Variants in SEC22C observed in about 807,000 individuals in gnomAD.
SEC22C encodes the protein SEC22 homolog C, vesicle trafficking protein, also known as vesicle-trafficking protein SEC22c.
A neutral mutation model predicts 34.7 loss-of-function variants in SEC22C; 29 were observed. That is an observed-to-expected ratio of 0.84 (90% CI 0.62 to 1.14). The LOEUF is 1.14. Ranked by LOEUF, SEC22C falls within the 50% of genes most tolerant of loss-of-function variation. The pLI, the probability that SEC22C is intolerant of heterozygous loss-of-function variation, is 0.00. For missense variants in SEC22C, 337 were observed against 369.0 expected, an observed-to-expected ratio of 0.91 and a Z score of 0.71; for synonymous variants, 117 against 132.8, an observed-to-expected ratio of 0.88 and a Z score of 0.82.
At chr3:42,596,484 C>G (rs1020665355) in intron 1 of SEC22C, among the ~76,000 whole-genome samples, 4 of 152,160 alleles carry the variant, frequency 2.6e-5, no homozygotes, top group Non-Finnish European at 5.9e-5. Flanking sequence ...ACCAGTGGTT[C>G]TTCTTCATGA....
chr3:42,594,607 C>A, intron 1 of SEC22C: 1 of 1,034,860 alleles, frequency 9.7e-7, no homozygotes, highest in Non-Finnish European at 1.5e-6. Context: ...TCTTTACCAA[C>A]TCAACTGGTT....
intron 1 of SEC22C, among the ~76,000 whole-genome samples, chr3:42,578,981 T>C (rs1704139895): frequency 1.3e-5 from 2 of 152,140 alleles, no homozygotes; most frequent in African/African-American, 4.8e-5. Flanking sequence ...AGTATTCAAC[T>C]TAAAACAGGA....
At chr3:42,596,542 AACTTTCTACC>A (rs1295385928) in intron 1 of SEC22C, among the ~76,000 whole-genome samples, 1 of 152,198 alleles carries the variant, frequency 6.6e-6, no homozygotes, top group Non-Finnish European at 1.5e-5. Context: ...TTTGGATACC[AACTTTCTACC>A]ACTCTTGGAA....
chr3:42,553,031 C>T lies in SEC22C; in HGVS notation c.*217G>A. ...GTCCTAGGTAAACGTGCTGAACTGG[C>T]TGGAGATCCTGCAGTAATGCTTGGC... On this transcript the variant is annotated 3_prime_UTR_variant, in exon 7 of 7. Coordinates refer to ENST00000264454, the MANE Select transcript of SEC22C (RefSeq NM_032970.4). The T allele has an allele frequency of 1.4e-6, 2 of 1,397,412 alleles. No homozygotes were observed. Among genetic ancestry groups the T allele is most frequent in the Non-Finnish European group, 1.9e-6 (2 of 1,078,612 alleles). The allele number at this position is 1,397,412 out of a possible 1,614,324, so 86.6% of individuals were successfully genotyped here. A position where few individuals can be genotyped will look rare whatever the true frequency, so the allele number is the denominator to read the frequency against.
chr3:42,572,000 T>C (rs1209411633), intron 1 of SEC22C, among the ~76,000 whole-genome samples: 4 of 152,004 alleles, frequency 2.6e-5, no homozygotes, highest in Non-Finnish European at 5.9e-5. Flanking sequence ...GTCACTGCAC[T>C]CCAACCTAGG....
Position 42,550,710 on chromosome 3 carries a change from T to C in SEC22C, c.*2538A>G, listed in dbSNP as rs1702210790. On this transcript the variant is annotated 3_prime_UTR_variant, in exon 7 of 7. Transcript: ENST00000264454. ...GTAGTGCCTCGGTGGTCAGGAAGCA[T>C]TACCAGGAAGGACTCATCTTCAAGG... 1.0e-6 allele frequency: 1 copy of C among 984,880 alleles called. No individual in the cohort carries two copies. Among genetic ancestry groups the C allele is most frequent in the Non-Finnish European group, 1.2e-6 (1 of 829,832 alleles). 61.0% of individuals were successfully genotyped at this position (984,880 alleles called of 1,614,324 possible).
Position 42,561,099 on chromosome 3 carries a change from GAAC to G in SEC22C, c.526+15_526+17del, listed in dbSNP as rs1559515761. 2.5e-6 allele frequency: 4 copies of G among 1,605,020 alleles called. No homozygotes were observed. Among genetic ancestry groups the G allele is most frequent in the East Asian group, 2.2e-5 (1 of 44,646 alleles). The stretch of plus-strand genomic sequence containing the variant: ...ACAATATCACTTCATCAACATCAGG[GAAC>G]AACAAGCCACTTACCAGGCTCCAAG... On this transcript the variant is annotated intron_variant, in intron 4 of 6. Coordinates refer to ENST00000264454, the MANE Select transcript of SEC22C (RefSeq NM_032970.4).
Position 42,550,303 on chromosome 3 carries a change from A to C in SEC22C, c.*2945T>G. The stretch of plus-strand genomic sequence containing the variant: ...GATGTCAGCTGCACAGGTAGCATTT[A>C]ACTACTGGGAAAACAAAAGTGCTAC... On this transcript the variant is annotated 3_prime_UTR_variant, in exon 7 of 7. Transcript: ENST00000264454. The C allele has an allele frequency of 1.0e-6, 1 of 985,462 alleles. No homozygotes were observed. The highest frequency in any genetic ancestry group is 1.2e-6 in the Non-Finnish European group (1 of 829,942). The allele number at this position is 985,462 out of a possible 1,614,324, so 61.0% of individuals were successfully genotyped here. A position where few individuals can be genotyped will look rare whatever the true frequency, so the allele number is the denominator to read the frequency against.
chr3:42,571,936 G>C (rs986438319), intron 1 of SEC22C, among the ~76,000 whole-genome samples: 6 of 152,222 alleles, frequency 3.9e-5, no homozygotes, highest in Non-Finnish European at 8.8e-5. Context: ...AGGAGGCTGA[G>C]GCACGAGAAT....
intron 1 of SEC22C, among the ~76,000 whole-genome samples, chr3:42,590,282 T>C (rs1015672886): frequency 2.0e-5 from 3 of 152,252 alleles, no homozygotes; most frequent in Middle Eastern, 3.4e-3. Flanking sequence ...CAGAGTGATG[T>C]AGAGAGGACA....
At chr3:42,597,847 A>C (rs1705074543) in intron 1 of SEC22C, among the ~76,000 whole-genome samples, 2 of 152,228 alleles carry the variant, frequency 1.3e-5, no homozygotes, top group Non-Finnish European at 2.9e-5. Flanking sequence ...CAATTTCCAA[A>C]TTTACTATAA....
At chr3:42,556,125 A>G (rs995018170) in intron 5 of SEC22C, 130 bp from the exon 6 acceptor site, 1 of 677,422 alleles carries the variant, frequency 1.5e-6, no homozygotes, top group African/African-American at 1.8e-5. Context: ...GGTGAGACAC[A>G]AGTTCCTGTT....
intron 1 of SEC22C, among the ~76,000 whole-genome samples, chr3:42,573,072 G>C (rs375874911): frequency 6.6e-6 from 1 of 151,636 alleles, no homozygotes; most frequent in Non-Finnish European, 1.5e-5. Flanking sequence ...GGCTCATCTT[G>C]AACTCTCAGG....
intron 3 of SEC22C, among the ~76,000 whole-genome samples, chr3:42,562,358 G>C (rs1357900011): frequency 6.6e-6 from 1 of 152,198 alleles, no homozygotes; most frequent in Admixed American, 6.5e-5. Context: ...CTGCAGCTGT[G>C]GTCTGTTTTA....
intron 4 of SEC22C, 143 bp downstream of exon 4, chr3:42,560,974 C>G: frequency 1.3e-6 from 1 of 770,000 alleles, no homozygotes; most frequent in South Asian, 2.1e-5. Flanking sequence ...CACCAAGAAA[C>G]AGGATGGGCC....
intron 1 of SEC22C, among the ~76,000 whole-genome samples, chr3:42,578,156 C>T (rs1235964506): frequency 6.6e-6 from 1 of 152,092 alleles, no homozygotes; most frequent in East Asian, 1.9e-4. Context: ...CTGAAAACAA[C>T]CAAAATGTCC....
At chr3:42,598,838 G>A (rs890075887) in intron 1 of SEC22C, among the ~76,000 whole-genome samples, 5 of 150,858 alleles carry the variant, frequency 3.3e-5, no homozygotes, top group African/African-American at 1.2e-4. Context: ...TTGTACAACC[G>A]TGTGAAATAC....
intron 4 of SEC22C, among the ~76,000 whole-genome samples, chr3:42,557,981 T>C (rs1352682602): frequency 6.6e-6 from 1 of 152,218 alleles, no homozygotes; most frequent in Non-Finnish European, 1.5e-5. Context: ...TCTAAAGCAG[T>C]GGTTCTCAAC....
intron 2 of SEC22C, among the ~76,000 whole-genome samples, chr3:42,567,049 T>C (rs1209735685): frequency 6.6e-6 from 1 of 152,092 alleles, no homozygotes; most frequent in East Asian, 1.9e-4. Flanking sequence ...AAGTAGCTGG[T>C]ACAGGTGCAC....
Sources: gnomAD v4.1 joint callset for allele counts (sites outside exome capture counted in the v4.1 genomes callset) on GRCh38, gnomAD v4.1.1 for gene constraint, MANE v1.5 for transcripts, NCBI Gene and HGNC (gene_info 2026-07-23, HGNC 2026-07-21) for gene names.